Variants in PRKG2 observed in about 807,000 individuals in gnomAD.
PRKG2 encodes the protein cGMP-dependent protein kinase 2.
A neutral mutation model predicts 97.2 loss-of-function variants in PRKG2; 33 were observed. The observed-to-expected ratio is 0.34, with a 90% CI of 0.26 to 0.45. The LOEUF (loss-of-function observed/expected upper bound fraction) is 0.45, where lower values mean the gene tolerates loss of function less well. Ranked by LOEUF, PRKG2 falls within the 20% of genes least tolerant of loss-of-function variation. PRKG2 has a pLI of 1.00. For missense variants in PRKG2, 638 were observed against 900.0 expected, an observed-to-expected ratio of 0.71 and a Z score of 3.73; for synonymous variants, 330 against 321.8, an observed-to-expected ratio of 1.03 and a Z score of -0.27.
chr4:81,206,055 AT>A (rs1218467162), intron 1 of PRKG2, among the ~76,000 whole-genome samples: 1 of 152,252 alleles, frequency 6.6e-6, no homozygotes, highest in East Asian at 1.9e-4. Flanking sequence ...TAAACTAGGT[AT>A]TCAGGTTTAC....
intron 6 of PRKG2, among the ~76,000 whole-genome samples, chr4:81,158,723 C>G (rs950277910): frequency 3.3e-5 from 5 of 152,290 alleles, no homozygotes; most frequent in Admixed American, 2.6e-4. Flanking sequence ...GTAACCAAAA[C>G]AGCATGGTGC....
rs2110041676 is a variant in PRKG2, at chr4:81,142,883, T to C, written c.1318A>G (p.Lys440Glu). ...LSLEMIQLKE[K>E]VARFSSSSPF... ...GATGATGAGGAAAATCTGGCCACCT[T>C]CTCCTTCAGCTGAATCATTTCCAGA... Residue 440 changes from lysine to glutamate, a missense_variant, in exon 11 of 19, where the codon AAG becomes GAG. Transcript: ENST00000264399. The C allele has an allele frequency of 6.2e-7, 1 of 1,613,580 alleles. No individual in the cohort carries two copies. Among genetic ancestry groups the C allele is most frequent in the Admixed American group, 1.7e-5 (1 of 60,004 alleles).
intron 2 of PRKG2, among the ~76,000 whole-genome samples, chr4:81,177,012 C>A (rs188501203): frequency 6.6e-6 from 1 of 152,290 alleles, no homozygotes; most frequent in East Asian, 1.9e-4. Context: ...GTATCCTTAT[C>A]ATCCCCTATA....
At chr4:81,090,923 T>C (rs1202090968) in intron 18 of PRKG2, among the ~76,000 whole-genome samples, 1 of 152,190 alleles carries the variant, frequency 6.6e-6, no homozygotes, top group African/African-American at 2.4e-5. Flanking sequence ...CAAAAAATGT[T>C]TATTTAATAA....
chr4:81,197,825 A>C (rs930968875), intron 2 of PRKG2, among the ~76,000 whole-genome samples: 2 of 152,224 alleles, frequency 1.3e-5, no homozygotes, highest in South Asian at 2.1e-4. Context: ...GGAAAAGGGA[A>C]GCAAACGTGG....
chr4:81,212,673 G>C (rs967584468), intron 1 of PRKG2, among the ~76,000 whole-genome samples: 1 of 152,144 alleles, frequency 6.6e-6, no homozygotes, highest in South Asian at 2.1e-4. Flanking sequence ...TAAAGAAAGA[G>C]GAAAGCTGAA....
rs760678170 is a variant in PRKG2 at position 81,204,703 on chromosome 4, G to T, written c.345C>A (p.Leu115=). The T allele has an allele frequency of 2.5e-6, 4 of 1,614,188 alleles. No homozygotes were observed. Among genetic ancestry groups the T allele is most frequent in the South Asian group, 1.1e-5 (1 of 91,086 alleles). ...CAGCCTTTGCTCCCCTCCTGCTATGGAGAGAGACCAATCCAGAGGTCTTCC... is the reference window on the plus strand; with the variant it reads ...CAGCCTTTGCTCCCCTCCTGCTATGTAGAGAGACCAATCCAGAGGTCTTCC... ...VHRKTSGLVS[L]HSRRGAKAGV... Residue 115 remains leucine (L), a synonymous_variant, in exon 2 of 19, where the codon CTC becomes CTA. Transcript: ENST00000264399.
In PRKG2 at chr4:81,131,033, A is replaced by T. The variant is rs1013967735; in HGVS notation, c.1776+4122T>A. Among the ~76,000 whole-genome samples, 8 of 152,170 alleles carry T rather than the reference A, an allele frequency of 5.3e-5. No individual in the cohort carries two copies. The South Asian group carries it at 1.7e-3, about 31-fold the overall frequency. Reference sequence around the variant, plus strand: ...GCATTCCAAGTGCCACTGGGGTATGAGAAAAAAACTTCTGCAGCTAGCTCA... The same window carrying T: ...GCATTCCAAGTGCCACTGGGGTATGTGAAAAAAACTTCTGCAGCTAGCTCA... On this transcript the variant is annotated intron_variant, in intron 14 of 18. Coordinates refer to ENST00000264399, the MANE Select transcript of PRKG2 (RefSeq NM_006259.3).
chr4:81,151,128 G>A (rs1748357843), intron 8 of PRKG2, among the ~76,000 whole-genome samples: 2 of 151,950 alleles, frequency 1.3e-5, no homozygotes, highest in Admixed American at 6.6e-5. Context: ...CATAGGCAAA[G>A]GTTAAGAAGA....
At chr4:81,153,802 C>T (rs1220020514) in intron 6 of PRKG2, 81 bp from the exon 7 acceptor site, 4 of 980,976 alleles carry the variant, frequency 4.1e-6, no homozygotes, top group Non-Finnish European at 6.4e-6. Context: ...GTATACAGCT[C>T]CCAGCGTGAG....
intron 14 of PRKG2, 55 bp downstream of exon 14, chr4:81,135,100 C>A: frequency 6.0e-6 from 9 of 1,494,008 alleles, no homozygotes; most frequent in Non-Finnish European, 8.1e-6. Context: ...TAGAACACAA[C>A]TTTTGCCAGG....
chr4:81,170,393 G>C (rs1424812155), intron 4 of PRKG2, among the ~76,000 whole-genome samples: 1 of 152,038 alleles, frequency 6.6e-6, no homozygotes, highest in African/African-American at 2.4e-5. Flanking sequence ...AGAAGTGGTG[G>C]CTCTAAAAAA....
At chr4:81,091,509 T>G (rs1741532344) in intron 18 of PRKG2, among the ~76,000 whole-genome samples, 1 of 152,028 alleles carries the variant, frequency 6.6e-6, no homozygotes, top group African/African-American at 2.4e-5. Flanking sequence ...GGTCTCGATC[T>G]CCTGACCTCG....
At chr4:81,206,153 T>C (rs1194658179) in intron 1 of PRKG2, among the ~76,000 whole-genome samples, 1 of 152,338 alleles carries the variant, frequency 6.6e-6, no homozygotes, top group South Asian at 2.1e-4. Flanking sequence ...CTTGAATGTG[T>C]GAACTTTGGG....
At chr4:81,159,025 A>T (rs1387205619) in intron 6 of PRKG2, among the ~76,000 whole-genome samples, 1 of 152,084 alleles carries the variant, frequency 6.6e-6, no homozygotes, top group Admixed American at 6.5e-5. Flanking sequence ...AAACCTAGGC[A>T]TTACCATTCG....
intron 15 of PRKG2, among the ~76,000 whole-genome samples, chr4:81,108,147 G>A (rs2109976054): frequency 6.6e-6 from 1 of 152,258 alleles, no homozygotes; most frequent in East Asian, 1.9e-4. Context: ...AGAGGTTGCA[G>A]TGAGCTGAGA....
At chr4:81,209,217 G>A (rs937291307) in intron 1 of PRKG2, among the ~76,000 whole-genome samples, 4 of 152,112 alleles carry the variant, frequency 2.6e-5, no homozygotes, top group Admixed American at 6.5e-5. Context: ...GCTTGCAGGC[G>A]GATTAACACC....
intron 6 of PRKG2, among the ~76,000 whole-genome samples, chr4:81,163,169 C>T (rs1045047624): frequency 1.3e-5 from 2 of 152,142 alleles, no homozygotes; most frequent in Admixed American, 6.5e-5. Flanking sequence ...TTGACAGTAA[C>T]TTCATAGATC....
At chr4:81,192,318 A>C (rs1752609420) in intron 2 of PRKG2, 1 of 152,204 alleles carries the variant, frequency 6.6e-6, no homozygotes, top group Non-Finnish European at 1.5e-5. Context: ...AATGGGTAGA[A>C]ATTGAAAGAG....
Sources: allele counts gnomAD v4.1 joint callset (sites outside exome capture counted in the v4.1 genomes callset), GRCh38; gene constraint gnomAD v4.1.1; transcripts MANE v1.5; gene names NCBI Gene and HGNC (gene_info 2026-07-23, HGNC 2026-07-21).